The following NTNG1 variants were observed in gnomAD, a reference collection of about 807,000 sequenced individuals.
NTNG1 encodes the protein netrin G1, also known as netrin-G1.
A neutral mutation model predicts 54.0 loss-of-function variants in NTNG1; 16 were observed. The observed-to-expected ratio is 0.30, with a 90% CI of 0.20 to 0.45. The LOEUF (loss-of-function observed/expected upper bound fraction) is 0.45. NTNG1 is among the 20% of genes least tolerant of loss of function. The pLI is 1.00. For missense variants in NTNG1, 530 were observed against 678.7 expected (o/e 0.78, Z 2.43); for synonymous variants, 255 against 263.1 (o/e 0.97, Z 0.30).
chr1:107,446,260 C>G lies in NTNG1; in HGVS notation c.1390+9461C>G, dbSNP rs76119297. On this transcript the variant is annotated intron_variant, in intron 7 of 7. Transcript: ENST00000370068. Reference sequence around the variant, plus strand: ...GACCATATCATTTCCAGGACAAGATCACAGACATAATCAGTGCCGTCTGTT... The same window carrying G: ...GACCATATCATTTCCAGGACAAGATGACAGACATAATCAGTGCCGTCTGTT... Among the ~76,000 whole-genome samples the G allele has an allele frequency of 7.9e-5, 12 of 152,116 alleles. No individual in the cohort carries two copies. The East Asian group carries it at 2.1e-3, about 27-fold the overall frequency.
chr1:107,427,000 A>G (rs1398484577), intron 5 of NTNG1, among the ~76,000 whole-genome samples: 1 of 152,114 alleles, frequency 6.6e-6, no homozygotes, highest in Admixed American at 6.6e-5. Context: ...ATTGGTGTAT[A>G]GAAATGCTAC....
intron 2 of NTNG1, among the ~76,000 whole-genome samples, chr1:107,185,292 C>G (rs1005343896): frequency 3.3e-5 from 5 of 152,218 alleles, no homozygotes; most frequent in African/African-American, 1.2e-4. Context: ...GTTGGCAGGA[C>G]TGCACTCCCT....
At chr1:107,386,072 T>C (rs148001196) in intron 3 of NTNG1, among the ~76,000 whole-genome samples, 158 of 145,084 alleles carry the variant, frequency 1.1e-3, no homozygotes, top group African/African-American at 3.9e-3. Flanking sequence ...ACTGTATATA[T>C]ACATATATAT....
intron 5 of NTNG1, among the ~76,000 whole-genome samples, chr1:107,424,487 CTCTG>C (rs1674765061): frequency 6.6e-6 from 1 of 152,144 alleles, no homozygotes; most frequent in African/African-American, 2.4e-5. Context: ...GAAAGAGTCA[CTCTG>C]TCTGCTGTGT....
chr1:107,344,282 A>T (rs1669089229), intron 3 of NTNG1, among the ~76,000 whole-genome samples: 1 of 152,184 alleles, frequency 6.6e-6, no homozygotes, highest in East Asian at 1.9e-4. Flanking sequence ...ATATTTACCA[A>T]AGTTTTTATG....
intron 7 of NTNG1, among the ~76,000 whole-genome samples, chr1:107,437,926 CT>C (rs1233352007): frequency 6.6e-6 from 1 of 152,060 alleles, no homozygotes; most frequent in African/African-American, 2.4e-5. Context: ...TTTTTGCTTG[CT>C]TTTCACTTGA....
rs190536599 is a variant in NTNG1 at position 107,184,780 on chromosome 1, A to G, written c.246+35941A>G. 1.1e-4 allele frequency among the ~76,000 whole-genome samples: 16 copies of G among 152,282 alleles called. No homozygotes were observed. In the East Asian group the frequency reaches 3.1e-3, roughly 29 times the overall value. ...TGTATGTGTGAAAAGTTTATAAGGA[A>G]CCATCTTAAATCTTTCCAAAACCAC... On this transcript the variant is annotated intron_variant, in intron 2 of 7. Transcript: ENST00000370068.
chr1:107,243,740 G>A (rs1661996296), intron 2 of NTNG1, among the ~76,000 whole-genome samples: 1 of 152,008 alleles, frequency 6.6e-6, no homozygotes, highest in African/African-American at 2.4e-5. Context: ...CTAGAGAGAG[G>A]GAAAGGAGCT....
intron 5 of NTNG1, among the ~76,000 whole-genome samples, chr1:107,415,369 C>T (rs868295162): frequency 2.0e-4 from 30 of 152,228 alleles, no homozygotes; most frequent in African/African-American, 6.7e-4. Flanking sequence ...GCATATGCCT[C>T]ATACATACAG....
intron 2 of NTNG1, among the ~76,000 whole-genome samples, chr1:107,249,794 A>C (rs1423740153): frequency 6.6e-6 from 1 of 152,236 alleles, no homozygotes; most frequent in Non-Finnish European, 1.5e-5. Context: ...CTGTAAAATA[A>C]AAACTATGGG....
At chr1:107,284,053 C>T (rs149527343) in intron 2 of NTNG1, among the ~76,000 whole-genome samples, 1 of 152,170 alleles carries the variant, frequency 6.6e-6, no homozygotes, top group East Asian at 1.9e-4. Context: ...ATTTTATTTT[C>T]TGTCATTTCT....
chr1:107,306,094 G>A (rs1399917039), intron 2 of NTNG1, among the ~76,000 whole-genome samples: 2 of 152,052 alleles, frequency 1.3e-5, no homozygotes, highest in Non-Finnish European at 2.9e-5. Flanking sequence ...CCTAATTATT[G>A]TTTCTTTAAT....
intron 2 of NTNG1, among the ~76,000 whole-genome samples, chr1:107,235,347 G>A (rs370656479): frequency 9.2e-5 from 14 of 152,242 alleles, no homozygotes; most frequent in East Asian, 3.9e-4. Context: ...CGCAAATTCC[G>A]GAGAGACAGG....
rs17018872 is a variant in NTNG1 at position 107,399,326 on chromosome 1, A to T, written c.1060+4000A>T. Among the ~76,000 whole-genome samples, 1,808 of 152,278 alleles carry T rather than the reference A, an allele frequency of 0.012. 88 individuals carry two copies. In the East Asian group the frequency reaches 0.17, roughly 15 times the overall value. ...CATGGAGATAGACAGAAAACTGAGC[A>T]AGTTCAGCTGTATTCAATCTTTTCC... On this transcript the variant is annotated intron_variant, in intron 4 of 7. Coordinates refer to ENST00000370068, the MANE Select transcript of NTNG1 (RefSeq NM_001113226.3).
chr1:107,338,821 T>G (rs777358786), intron 3 of NTNG1, among the ~76,000 whole-genome samples: 4 of 148,252 alleles, frequency 2.7e-5, no homozygotes, highest in Middle Eastern at 3.2e-3. Flanking sequence ...GGTCAAAACT[T>G]TAAAAAAATA....
rs866814593 is a variant in NTNG1, at chr1:107,460,274, T to C, written c.1391-20337T>C. On this transcript the variant is annotated intron_variant, in intron 7 of 7. Coordinates refer to ENST00000370068, the MANE Select transcript of NTNG1 (RefSeq NM_001113226.3). Reference sequence around the variant, plus strand: ...ACAGTGCCGAACTGACAGTTCATCATGAGCGCACTCCCAGGTCTTTAGTAG... The same window carrying C: ...ACAGTGCCGAACTGACAGTTCATCACGAGCGCACTCCCAGGTCTTTAGTAG... The C allele has an allele frequency of 5.4e-5, 24 of 443,084 alleles. 1 individual carries two copies. In the Middle Eastern group the frequency reaches 5.4e-3, roughly 100 times the overall value. 27.4% of individuals were successfully genotyped at this position (443,084 alleles called of 1,614,324 possible). A position where few individuals can be genotyped will look rare whatever the true frequency, so the allele number is the denominator to read the frequency against.
At chr1:107,198,906 A>G (rs753209602) in intron 2 of NTNG1, among the ~76,000 whole-genome samples, 4 of 151,798 alleles carry the variant, frequency 2.6e-5, no homozygotes, top group Non-Finnish European at 5.9e-5. Flanking sequence ...TATTCTGGGG[A>G]CAACTGATTT....
chr1:107,249,801 T>C (rs1662470199), intron 2 of NTNG1, among the ~76,000 whole-genome samples: 1 of 152,214 alleles, frequency 6.6e-6, no homozygotes, highest in South Asian at 2.1e-4. Flanking sequence ...ATAAAAACTA[T>C]GGGACTAACA....
intron 4 of NTNG1, among the ~76,000 whole-genome samples, chr1:107,407,259 A>T (rs185672368): frequency 6.6e-6 from 1 of 152,304 alleles, no homozygotes; most frequent in African/African-American, 2.4e-5. Context: ...GCATATGTGA[A>T]TATATTTGCA....
Sources: gnomAD v4.1 joint callset for allele counts (sites outside exome capture counted in the v4.1 genomes callset) on GRCh38, gnomAD v4.1.1 for gene constraint, MANE v1.5 for transcripts, NCBI Gene and HGNC (gene_info 2026-07-23, HGNC 2026-07-21) for gene names.